MAPK10: variants seen among roughly 807,000 people sequenced by gnomAD.
The protein encoded by MAPK10 is JNK3 alpha protein kinase.
MAPK10 carries 25 observed loss-of-function variants against 59.3 expected under a neutral mutation model. That is an observed-to-expected ratio of 0.42 (90% confidence interval 0.31 to 0.59). The LOEUF (loss-of-function observed/expected upper bound fraction) is 0.59, where lower values mean the gene tolerates loss of function less well. Ranked by LOEUF, MAPK10 falls within the 20% of genes least tolerant of loss-of-function variation. The pLI, the probability that MAPK10 is intolerant of heterozygous loss-of-function variation, is 0.15. For synonymous variants in MAPK10, 190 were observed against 200.5 expected (o/e 0.95, Z 0.44); for missense variants, 351 against 568.9 (o/e 0.62, Z 3.90).
chr4:86,072,288 T>C (rs1394421202), intron 9 of MAPK10, among the ~76,000 whole-genome samples: 1 of 152,114 alleles, frequency 6.6e-6, no homozygotes, highest in Non-Finnish European at 1.5e-5. Flanking sequence ...TAAGGATATT[T>C]TGGGCTGAGA....
intron 2 of MAPK10, among the ~76,000 whole-genome samples, chr4:86,207,084 C>T (rs571179930): frequency 1.3e-5 from 2 of 151,238 alleles, no homozygotes; most frequent in African/African-American, 4.9e-5. Context: ...TCTTTTGTTG[C>T]CATTGCTTTT....
chr4:86,151,367 G>A (rs2066433731), intron 4 of MAPK10, among the ~76,000 whole-genome samples: 1 of 152,142 alleles, frequency 6.6e-6, no homozygotes, highest in South Asian at 2.1e-4. Context: ...TGGCTAGGGA[G>A]CTGACGAGAC....
At chr4:86,206,676 T>C (rs952912802) in intron 2 of MAPK10, among the ~76,000 whole-genome samples, 7 of 152,188 alleles carry the variant, frequency 4.6e-5, no homozygotes, top group Non-Finnish European at 8.8e-5. Flanking sequence ...TGTAAAATTG[T>C]TCCTATTTCT....
intron 2 of MAPK10, among the ~76,000 whole-genome samples, chr4:86,329,858 C>T (rs189487517): frequency 1.1e-4 from 17 of 152,118 alleles, no homozygotes; most frequent in Non-Finnish European, 2.5e-4. Context: ...TTTTCAAATG[C>T]TAATTTGAAA....
Position 86,017,178 on chromosome 4 carries a change from C to T in MAPK10, c.*50G>A. On this transcript the variant is annotated 3_prime_UTR_variant, in exon 14 of 14. Coordinates refer to ENST00000641462, the MANE Select transcript of MAPK10 (RefSeq NM_138982.4). This position sits in a 1 kb window ranked among gnomAD's most constrained non-coding sequence, Gnocchi z 4.4. ...GTGTGTGTCTGCGTGTGTGTGTGTTCCATCACATCATCTCCTGAAGAACGC... is the reference window on the plus strand; with the variant it reads ...GTGTGTGTCTGCGTGTGTGTGTGTTTCATCACATCATCTCCTGAAGAACGC... 1.9e-6 allele frequency: 3 copies of T among 1,592,604 alleles called. No individual in the cohort carries two copies. The highest frequency in any genetic ancestry group is 1.7e-6 in the Non-Finnish European group (2 of 1,167,366).
intron 2 of MAPK10, among the ~76,000 whole-genome samples, chr4:86,251,794 A>G (rs970042513): frequency 1.4e-5 from 2 of 138,216 alleles, no homozygotes; most frequent in African/African-American, 6.2e-5. Context: ...TCCCACCAAC[A>G]GTGTAAAAGT....
At chr4:86,168,618 C>A (rs1295330300) in intron 3 of MAPK10, among the ~76,000 whole-genome samples, 3 of 152,312 alleles carry the variant, frequency 2.0e-5, no homozygotes, top group Non-Finnish European at 4.4e-5. Flanking sequence ...TCTGTAGGCT[C>A]CACCTCTGGG....
At chr4:86,162,518 G>A (rs797020917) in intron 3 of MAPK10, among the ~76,000 whole-genome samples, 11 of 152,134 alleles carry the variant, frequency 7.2e-5, no homozygotes, top group Admixed American at 2.0e-4. Context: ...TGGTCTTGGC[G>A]CAAACTCATG....
intron 4 of MAPK10, among the ~76,000 whole-genome samples, chr4:86,155,630 C>T (rs1055871335): frequency 1.2e-4 from 18 of 151,724 alleles, no homozygotes; most frequent in African/African-American, 2.7e-4. Flanking sequence ...AAATTAAGCA[C>T]GGTAGGGGAT....
chr4:86,101,537 T>C, intron 7 of MAPK10: 1 of 373,174 alleles, frequency 2.7e-6, no homozygotes, highest in Non-Finnish European at 4.9e-6. Context: ...ATATATATCA[T>C]TTCTAGGCCT....
intron 2 of MAPK10, among the ~76,000 whole-genome samples, chr4:86,300,283 A>G (rs1203266044): frequency 1.3e-5 from 2 of 152,206 alleles, no homozygotes; most frequent in Admixed American, 1.3e-4. Flanking sequence ...CTTCTTTGTC[A>G]CTGAAATCAT....
chr4:86,031,436 C>T lies in MAPK10; in HGVS notation c.1111-5G>A, dbSNP rs200643314. The T allele has an allele frequency of 5.6e-6, 9 of 1,603,916 alleles. No homozygotes were observed. Among genetic ancestry groups the T allele is most frequent in the South Asian group, 1.1e-5 (1 of 90,804 alleles). The stretch of plus-strand genomic sequence containing the variant: ...GTCATATATCTGAGGTGGAGGCTGC[C>T]GAATAAAAACAAAAAATAATCTTTG... On this transcript the variant is annotated splice_polypyrimidine_tract_variant and splice_region_variant and intron_variant, in intron 11 of 13. Transcript: ENST00000641462.
intron 2 of MAPK10, among the ~76,000 whole-genome samples, chr4:86,329,874 C>A (rs1008777457): frequency 1.3e-5 from 2 of 152,058 alleles, no homozygotes; most frequent in Non-Finnish European, 2.9e-5. Context: ...TGAAATTATA[C>A]CTAATGTTAT....
intron 2 of MAPK10, among the ~76,000 whole-genome samples, chr4:86,204,069 C>T (rs2083264688): frequency 6.6e-6 from 1 of 151,818 alleles, no homozygotes; most frequent in Non-Finnish European, 1.5e-5. Context: ...GCTGCTTTCA[C>T]ATTACAGTGG....
intron 1 of MAPK10, among the ~76,000 whole-genome samples, chr4:86,408,664 T>C (rs1465485366): frequency 6.0e-5 from 9 of 149,182 alleles, no homozygotes; most frequent in Non-Finnish European, 1.3e-4. Context: ...ATAATGAGCA[T>C]TTTTTCATGT....
rs144683057 is a variant in MAPK10 at position 86,298,878 on chromosome 4, A to G, written c.-7+55652T>C. ...AGTTCTCTGTAGAGAACCAGGTAGGAAAGCTGGGAAATGGTTTGGAAAAAA... is the reference window on the plus strand; with the variant it reads ...AGTTCTCTGTAGAGAACCAGGTAGGGAAGCTGGGAAATGGTTTGGAAAAAA... On this transcript the variant is annotated intron_variant, in intron 2 of 13. Coordinates refer to ENST00000641462, the MANE Select transcript of MAPK10 (RefSeq NM_138982.4). Among the ~76,000 whole-genome samples the G allele has an allele frequency of 1.0e-2, 1,521 of 152,330 alleles. 15 individuals carry two copies. Among genetic ancestry groups the G allele is most frequent in the African/African-American group, 0.027 (1,125 of 41,574 alleles).
At chr4:86,196,036 C>T (rs2081232211) in intron 2 of MAPK10, among the ~76,000 whole-genome samples, 1 of 152,164 alleles carries the variant, frequency 6.6e-6, no homozygotes, top group African/African-American at 2.4e-5. Context: ...CATAAGTGTG[C>T]ATATGTCTTT....
chr4:86,238,666 G>C (rs188439993), intron 2 of MAPK10, among the ~76,000 whole-genome samples: 52 of 152,222 alleles, frequency 3.4e-4, no homozygotes, highest in African/African-American at 1.2e-3. Flanking sequence ...TTGGTGTAAA[G>C]GAATGCTTGT....
At chr4:86,476,738 T>A (rs1753125268) in intron 1 of MAPK10, among the ~76,000 whole-genome samples, 1 of 152,138 alleles carries the variant, frequency 6.6e-6, no homozygotes, top group African/African-American at 2.4e-5. Flanking sequence ...TATTTCTGAG[T>A]TGCAATTCCT....
Sources: gnomAD v4.1 joint callset for allele counts (sites outside exome capture counted in the v4.1 genomes callset) on GRCh38, gnomAD v4.1.1 for gene constraint, Gnocchi (gnomAD v3.1) non-coding constraint, MANE v1.5 for transcripts, NCBI Gene and HGNC (gene_info 2026-07-23, HGNC 2026-07-21) for gene names.